The following ATP11B variants were observed in gnomAD, a reference collection of about 807,000 sequenced individuals.
ATP11B encodes ATPase phospholipid transporting 11B (putative), also known as phospholipid-transporting ATPase IF.
In ATP11B, 81 loss-of-function variants were observed where a neutral mutation model predicts 157.8. That is an observed-to-expected ratio of 0.51 (90% CI 0.43 to 0.62). The LOEUF (loss-of-function observed/expected upper bound fraction) is 0.62, where lower values mean the gene tolerates loss of function less well. Among genes scored for constraint, ATP11B ranks in the 20% least tolerant of loss-of-function variants. The pLI, the probability that ATP11B is intolerant of heterozygous loss-of-function variation, is 0.00. For synonymous variants in ATP11B, 451 were observed against 469.4 expected (o/e 0.96, Z 0.51); for missense variants, 1,165 against 1,402.2 (o/e 0.83, Z 2.70).
intron 10 of ATP11B, among the ~76,000 whole-genome samples, chr3:182,849,594 G>T (rs1000228078): frequency 2.6e-5 from 4 of 152,140 alleles, no homozygotes; most frequent in Non-Finnish European, 5.9e-5. Context: ...GAAAACTCTT[G>T]ACTTGAAAAA....
At chr3:182,859,948 CT>C (rs5854959) in intron 12 of ATP11B, among the ~76,000 whole-genome samples, 92,252 of 144,222 alleles carry the variant, frequency 0.64, 30,500 homozygotes, top group Non-Finnish European at 0.75. Flanking sequence ...CCCTGCCTTC[CT>C]TTTTTTTTTT....
At chr3:182,836,554 T>A in intron 6 of ATP11B, 84 bp downstream of exon 6, 1 of 1,527,508 alleles carries the variant, frequency 6.5e-7, no homozygotes, top group Non-Finnish European at 9.0e-7. Context: ...GTTAAAGTAG[T>A]AAAGTTTGAC....
At chr3:182,907,535 A>C (rs1443779059) in intron 28 of ATP11B, among the ~76,000 whole-genome samples, 1 of 152,216 alleles carries the variant, frequency 6.6e-6, no homozygotes, top group Admixed American at 6.5e-5. Flanking sequence ...TATTCAAAAG[A>C]ATCCTGAATT....
At chr3:182,864,878 A>G (rs1033388995) in intron 12 of ATP11B, among the ~76,000 whole-genome samples, 3 of 152,142 alleles carry the variant, frequency 2.0e-5, no homozygotes, top group Non-Finnish European at 4.4e-5. Context: ...TAATAAAATA[A>G]TTTGTCTTAC....
intron 21 of ATP11B, among the ~76,000 whole-genome samples, chr3:182,882,561 A>G (rs1229063593): frequency 6.6e-6 from 1 of 152,084 alleles, no homozygotes; most frequent in Admixed American, 6.5e-5. Flanking sequence ...AAACAAATTC[A>G]AGATGGATTA....
intron 1 of ATP11B, among the ~76,000 whole-genome samples, chr3:182,796,690 A>T (rs1334920098): frequency 6.6e-6 from 1 of 152,212 alleles, no homozygotes; most frequent in African/African-American, 2.4e-5. Context: ...AGGGATACAA[A>T]TGTTGGTCAG....
intron 1 of ATP11B, among the ~76,000 whole-genome samples, chr3:182,812,940 T>C (rs1382862007): frequency 6.6e-6 from 1 of 152,226 alleles, no homozygotes; most frequent in Non-Finnish European, 1.5e-5. Flanking sequence ...ACTACTCTTA[T>C]TCCTTATATA....
chr3:182,811,010 G>A (rs1176449362), intron 1 of ATP11B, among the ~76,000 whole-genome samples: 2 of 151,910 alleles, frequency 1.3e-5, no homozygotes, highest in Non-Finnish European at 2.9e-5. Flanking sequence ...TCATATGAAG[G>A]AAAAATAAAT....
intron 11 of ATP11B, 91 bp downstream of exon 11, chr3:182,858,119 C>A: frequency 8.6e-7 from 1 of 1,168,196 alleles, no homozygotes; most frequent in Non-Finnish European, 1.2e-6. Flanking sequence ...GGAGAGACCA[C>A]TGTAATCCTA....
At chr3:182,887,421 G>A (rs1043744487) in intron 23 of ATP11B, among the ~76,000 whole-genome samples, 165 bp from the exon 24 acceptor site, 3 of 152,140 alleles carry the variant, frequency 2.0e-5, no homozygotes, top group Admixed American at 6.6e-5. Context: ...ATATGTTTAT[G>A]TCAGTATTAA....
At chr3:182,911,681 C>T (rs1287159824) in intron 28 of ATP11B, among the ~76,000 whole-genome samples, 1 of 148,992 alleles carries the variant, frequency 6.7e-6, no homozygotes, top group Non-Finnish European at 1.5e-5. Flanking sequence ...GACTTGTCCT[C>T]TCTCCCACCT....
At chr3:182,865,388 T>C in intron 12 of ATP11B, 68 bp from the exon 13 acceptor site, 2 of 1,513,384 alleles carry the variant, frequency 1.3e-6, no homozygotes, top group East Asian at 2.3e-5. Flanking sequence ...AGGACAGAGA[T>C]TTTTTTCTTG....
At chr3:182,818,383 A>G (rs1270529141) in intron 1 of ATP11B, among the ~76,000 whole-genome samples, 1 of 152,256 alleles carries the variant, frequency 6.6e-6, no homozygotes, top group Non-Finnish European at 1.5e-5. Context: ...GAAAATAAAT[A>G]TTTATGCCAC....
At chr3:182,835,354 G>A (rs1467559794) in intron 4 of ATP11B, among the ~76,000 whole-genome samples, 1 of 152,160 alleles carries the variant, frequency 6.6e-6, no homozygotes, top group African/African-American at 2.4e-5. Context: ...CTTATTGTCT[G>A]TAATGCTCTG....
intron 1 of ATP11B, among the ~76,000 whole-genome samples, chr3:182,794,052 T>TAGA (rs1715431799): frequency 6.6e-6 from 1 of 151,990 alleles, no homozygotes; most frequent in African/African-American, 2.4e-5. Flanking sequence ...CGTTACTTCT[T>TAGA]CCCCCTTGCC....
intron 19 of ATP11B, among the ~76,000 whole-genome samples, chr3:182,875,153 C>T (rs1721941360): frequency 1.3e-5 from 2 of 152,124 alleles, no homozygotes; most frequent in Admixed American, 1.3e-4. Context: ...TAATTTTTCA[C>T]AGTAAACTAG....
At chr3:182,811,149 ATTG>A (rs1330777495) in intron 1 of ATP11B, among the ~76,000 whole-genome samples, 1 of 152,184 alleles carries the variant, frequency 6.6e-6, no homozygotes, top group Non-Finnish European at 1.5e-5. Flanking sequence ...CTAAAAATAT[ATTG>A]TTATGGTGAC....
At chr3:182,837,022 G>T in intron 6 of ATP11B, 49 bp from the exon 7 acceptor site, 1 of 1,353,732 alleles carries the variant, frequency 7.4e-7, no homozygotes, top group South Asian at 1.2e-5. Flanking sequence ...TGATATTGAA[G>T]GTCGCAATTT....
At chr3:182,914,326 C>T (rs1328365941) in intron 29 of ATP11B, 1 of 985,464 alleles carries the variant, frequency 1.0e-6, no homozygotes. Flanking sequence ...TTAAATTATA[C>T]ATATACTATT....
Sources: gnomAD v4.1 joint callset for allele counts (sites outside exome capture counted in the v4.1 genomes callset) on GRCh38, gnomAD v4.1.1 for gene constraint, MANE v1.5 for transcripts, NCBI Gene and HGNC (gene_info 2026-07-23, HGNC 2026-07-21) for gene names.